The following METTL15 variants were observed in gnomAD, a reference collection of about 807,000 sequenced individuals.
METTL15 encodes the protein 12S rRNA N(4)-cytidine methyltransferase METTL15.
METTL15 carries 34 observed loss-of-function variants against 38.3 expected under a neutral mutation model. The observed-to-expected ratio is 0.89, with a 90% CI of 0.68 to 1.18. The LOEUF (loss-of-function observed/expected upper bound fraction) is 1.18, where lower values mean the gene tolerates loss of function less well. Among genes scored for constraint, METTL15 ranks in the 50% most tolerant of loss-of-function variants. The probability of loss-of-function intolerance (pLI) is 0.00; values close to 1 mark genes in which losing one functional copy is unlikely to be tolerated. For synonymous variants in METTL15, 162 were observed against 170.9 expected, an observed-to-expected ratio of 0.95 and a Z score of 0.41; for missense variants, 438 against 498.4, an observed-to-expected ratio of 0.88 and a Z score of 1.15.
At chr11:28,130,492 G>A (rs1257173359) in intron 3 of METTL15, among the ~76,000 whole-genome samples, 1 of 152,112 alleles carries the variant, frequency 6.6e-6, no homozygotes, top group Non-Finnish European at 1.5e-5. Flanking sequence ...GTTCAAATTA[G>A]AGAAGGGAAA....
At chr11:28,271,885 A>G (rs1475935031) in intron 4 of METTL15, among the ~76,000 whole-genome samples, 1 of 151,976 alleles carries the variant, frequency 6.6e-6, no homozygotes, top group African/African-American at 2.4e-5. Context: ...AAAAAACAAC[A>G]CCGTCAAAAA....
intron 6 of METTL15, among the ~76,000 whole-genome samples, chr11:28,432,935 T>TC (rs1188428599): frequency 1.3e-5 from 2 of 151,428 alleles, no homozygotes; most frequent in African/African-American, 2.4e-5. Context: ...CCACATTTTT[T>TC]TTTTTTGCCT....
intron 5 of METTL15, among the ~76,000 whole-genome samples, chr11:28,386,373 G>A (rs1408231459): frequency 6.6e-6 from 1 of 151,702 alleles, no homozygotes; most frequent in African/African-American, 2.4e-5. Flanking sequence ...TCAGCAAAAG[G>A]ATGAAAAATG....
chr11:28,232,744 C>T (rs1046382918), intron 4 of METTL15, among the ~76,000 whole-genome samples: 2 of 151,890 alleles, frequency 1.3e-5, no homozygotes, highest in East Asian at 1.9e-4. Flanking sequence ...TTCTAACCTC[C>T]GTTTTAGTGG....
chr11:28,406,779 G>A (rs1427928778), intron 5 of METTL15, among the ~76,000 whole-genome samples: 1 of 152,130 alleles, frequency 6.6e-6, no homozygotes, highest in African/African-American at 2.4e-5. Context: ...CAAGGGGGAT[G>A]GTTCCAGCTT....
rs191443497 is a variant in METTL15, at chr11:28,309,863, C to G, written c.778+12932C>G. On this transcript the variant is annotated intron_variant, in intron 6 of 6. Transcript: ENST00000407364. ...CACTTAAATTCTGTCCTGATGGTGG[C>G]TCTTAATTCAGTCATCTCTTGTAAA... Among the ~76,000 whole-genome samples, 34 of 152,250 alleles carry G rather than the reference C, an allele frequency of 2.2e-4. 1 individual carries two copies. The East Asian group carries it at 6.6e-3, about 29-fold the overall frequency.
chr11:28,146,721 A>C (rs1849899651), intron 3 of METTL15, among the ~76,000 whole-genome samples: 1 of 151,936 alleles, frequency 6.6e-6, no homozygotes, highest in Non-Finnish European at 1.5e-5. Flanking sequence ...ACTAGTTCAT[A>C]AGTAATAGCA....
rs1349292274 is a variant in METTL15 at position 28,331,962 on chromosome 11, A to G, written c.*1121A>G. The G allele has an allele frequency of 1.3e-5, 2 of 152,188 alleles. No homozygotes were observed. The highest frequency in any genetic ancestry group is 2.9e-5 in the Non-Finnish European group (2 of 68,012). 9.4% of individuals were successfully genotyped at this position (152,188 alleles called of 1,614,324 possible). ...TAGTTATCCTTGAAATCATATTTAT[A>G]CTATTAATTTGCTCAGTGCACTTTT... On this transcript the variant is annotated 3_prime_UTR_variant, in exon 7 of 7. Coordinates refer to ENST00000407364, the MANE Select transcript of METTL15 (RefSeq NM_001113528.2).
chr11:28,352,537 C>T (rs1850050884), intron 4 of METTL15, among the ~76,000 whole-genome samples: 1 of 152,182 alleles, frequency 6.6e-6, no homozygotes, highest in African/African-American at 2.4e-5. Context: ...GACATTTTTA[C>T]ATACTAAGTC....
At chr11:28,510,783 C>G (rs545314150) in intron 6 of METTL15, among the ~76,000 whole-genome samples, 1 of 152,254 alleles carries the variant, frequency 6.6e-6, no homozygotes, top group South Asian at 2.1e-4. Flanking sequence ...TCTAAACATA[C>G]CATACTACTG....
intron 6 of METTL15, among the ~76,000 whole-genome samples, chr11:28,448,197 T>G (rs1280441653): frequency 6.6e-6 from 1 of 152,188 alleles, no homozygotes; most frequent in Non-Finnish European, 1.5e-5. Context: ...AGAGCCCCTC[T>G]TATACTCTAC....
chr11:28,261,793 G>A (rs1028869630), intron 4 of METTL15, among the ~76,000 whole-genome samples: 44 of 152,224 alleles, frequency 2.9e-4, no homozygotes, highest in African/African-American at 1.0e-3. Context: ...GACATCTGAT[G>A]TGTTAATAAT....
At chr11:28,287,204 GGCAT>G in intron 4 of METTL15, 1 of 199,422 alleles carries the variant, frequency 5.0e-6, no homozygotes, top group Non-Finnish European at 9.9e-6. Flanking sequence ...GTGTTCATGA[GGCAT>G]TTTATTTGTA....
chr11:28,284,853 G>A (rs1856191178), intron 4 of METTL15, among the ~76,000 whole-genome samples: 1 of 152,068 alleles, frequency 6.6e-6, no homozygotes, highest in South Asian at 2.1e-4. Flanking sequence ...TATGGGGTGT[G>A]GCTAAAGAAA....
intron 3 of METTL15, among the ~76,000 whole-genome samples, chr11:28,203,116 T>A (rs1402502058): frequency 6.6e-6 from 1 of 152,130 alleles, no homozygotes; most frequent in African/African-American, 2.4e-5. Context: ...TAGAGCTATG[T>A]ATTCTTTAGA....
intron 6 of METTL15, chr11:28,526,423 G>C (rs1851812700): frequency 6.6e-6 from 1 of 152,200 alleles, no homozygotes; most frequent in South Asian, 2.1e-4. Context: ...TAATTTGTTG[G>C]CATACAATTG....
chr11:28,325,549 AT>A (rs750320500), intron 6 of METTL15, among the ~76,000 whole-genome samples: 4 of 151,794 alleles, frequency 2.6e-5, no homozygotes, highest in Admixed American at 6.6e-5. Flanking sequence ...TCATTCATCC[AT>A]TTTTTTTCAT....
intron 4 of METTL15, among the ~76,000 whole-genome samples, chr11:28,228,450 T>C (rs1000713189): frequency 2.6e-5 from 4 of 151,962 alleles, no homozygotes; most frequent in African/African-American, 9.7e-5. Flanking sequence ...GAACACTGTC[T>C]AGCATATCTT....
chr11:28,373,375 T>C (rs1258138432), intron 5 of METTL15, among the ~76,000 whole-genome samples: 3 of 152,146 alleles, frequency 2.0e-5, no homozygotes. Flanking sequence ...TGGCTAGTGA[T>C]GGTGAGCATT....
Sources: allele counts gnomAD v4.1 joint callset (sites outside exome capture counted in the v4.1 genomes callset), GRCh38; gene constraint gnomAD v4.1.1; transcripts MANE v1.5; gene names NCBI Gene and HGNC (gene_info 2026-07-23, HGNC 2026-07-21).